The following ADGRL3 variants were observed in gnomAD, a reference collection of about 807,000 sequenced individuals.
The protein encoded by ADGRL3 is adhesion G protein-coupled receptor L3, also known as calcium-independent alpha-latrotoxin receptor 3.
Under a neutral mutation model 153.5 loss-of-function variants are expected in ADGRL3, and 62 were observed. The observed-to-expected ratio is 0.40, with a 90% CI of 0.33 to 0.50. The LOEUF is 0.50. Ranked by LOEUF, ADGRL3 falls within the 20% of genes least tolerant of loss-of-function variation. ADGRL3 has a pLI of 0.47. For synonymous variants in ADGRL3, 710 were observed against 672.5 expected (o/e 1.06, Z -0.86); for missense variants, 1,641 against 1,859.4 (o/e 0.88, Z 2.16).
chr4:61,870,142 C>T (rs2098435578), intron 9 of ADGRL3, among the ~76,000 whole-genome samples: 2 of 151,686 alleles, frequency 1.3e-5, no homozygotes, highest in South Asian at 2.1e-4. Flanking sequence ...TTTAGTAAAA[C>T]TTGAGTTGCT....
intron 9 of ADGRL3, among the ~76,000 whole-genome samples, chr4:61,861,362 T>C (rs1450408893): frequency 6.6e-6 from 1 of 152,168 alleles, no homozygotes; most frequent in Non-Finnish European, 1.5e-5. Flanking sequence ...TGTTTAGTGC[T>C]CATAAATGTT....
chr4:62,067,144 G>A (rs997059838), intron 25 of ADGRL3, among the ~76,000 whole-genome samples: 1 of 151,992 alleles, frequency 6.6e-6, no homozygotes, highest in African/African-American at 2.4e-5. Flanking sequence ...AAATGTTGTT[G>A]ATCTTTCTGC....
chr4:61,982,077 T>C (rs1162700079), intron 18 of ADGRL3, among the ~76,000 whole-genome samples: 3 of 152,202 alleles, frequency 2.0e-5, no homozygotes, highest in African/African-American at 7.2e-5. Context: ...AATTGTGTTA[T>C]TTTCCAAGAA....
Position 62,006,032 on chromosome 4 carries a change from A to ATTTT in ADGRL3, c.3395+7779_3395+7782dup, listed in dbSNP as rs1553908051. ...TATATATATATATATATATATATAT[A>ATTTT]TTTTTTTTTTTTTTTGAGAAAGGGT... On this transcript the variant is annotated intron_variant, in intron 21 of 26. Coordinates refer to ENST00000683033, the MANE Select transcript of ADGRL3 (RefSeq NM_001387552.1). Among the ~76,000 whole-genome samples the ATTTT allele has an allele frequency of 3.5e-3, 255 of 73,072 alleles. 8 individuals are homozygous for ATTTT. The highest frequency in any genetic ancestry group is 4.8e-3 in the South Asian group (9 of 1,862). 47.9% of individuals were successfully genotyped at this position (73,072 alleles called of 152,430 possible). A position where few individuals can be genotyped will look rare whatever the true frequency, so the allele number is the denominator to read the frequency against.
intron 15 of ADGRL3, among the ~76,000 whole-genome samples, chr4:61,946,239 CT>C (rs2098923284): frequency 6.6e-6 from 1 of 152,092 alleles, no homozygotes. Context: ...TGTGGTCGGT[CT>C]TTTCAATTTT....
intron 23 of ADGRL3, 147 bp downstream of exon 23, chr4:62,031,757 A>G (rs1371735353): frequency 1.1e-5 from 6 of 557,608 alleles, no homozygotes; most frequent in Non-Finnish European, 1.5e-5. Context: ...AGCAAAACAA[A>G]CACAAAATAC....
chr4:61,814,857 C>T (rs74466225), intron 9 of ADGRL3, among the ~76,000 whole-genome samples: 16,051 of 151,998 alleles, frequency 0.11, 915 homozygotes, highest in Middle Eastern at 0.15. Context: ...TTCCAAATGC[C>T]GCCTGTGCTT....
At chr4:61,648,263 G>T (rs2094114353) in intron 5 of ADGRL3, among the ~76,000 whole-genome samples, 1 of 150,480 alleles carries the variant, frequency 6.6e-6, no homozygotes, top group South Asian at 2.1e-4. Context: ...AAATAGAATG[G>T]AAATAAAATA....
chr4:61,964,329 TTAAC>T (rs1420291789), intron 17 of ADGRL3, among the ~76,000 whole-genome samples: 1 of 152,198 alleles, frequency 6.6e-6, no homozygotes, highest in Admixed American at 6.5e-5. Flanking sequence ...AATTCACTAT[TTAAC>T]TATTCTCAAA....
chr4:61,763,929 T>C (rs1036995904), intron 8 of ADGRL3, among the ~76,000 whole-genome samples: 17 of 152,220 alleles, frequency 1.1e-4, no homozygotes, highest in African/African-American at 4.1e-4. Context: ...TAAAAATGTA[T>C]GCTCATATTA....
At chr4:62,063,729 G>T in intron 25 of ADGRL3, 1 of 525,050 alleles carries the variant, frequency 1.9e-6, no homozygotes, top group African/African-American at 1.9e-5. Context: ...GCCTTTCTTT[G>T]TTTTGGAAGC....
intron 8 of ADGRL3, among the ~76,000 whole-genome samples, chr4:61,792,534 G>A (rs746291681): frequency 6.6e-5 from 10 of 150,622 alleles, no homozygotes; most frequent in Non-Finnish European, 1.3e-4. Context: ...TCTGTCACCA[G>A]GCTAGAGTGC....
chr4:61,405,886 A>G (rs1456866), intron 2 of ADGRL3, among the ~76,000 whole-genome samples: 4,643 of 152,052 alleles, frequency 0.031, 224 homozygotes, highest in East Asian at 0.21. Flanking sequence ...GGTTGTCACT[A>G]TACTGCTAAA....
intron 6 of ADGRL3, among the ~76,000 whole-genome samples, chr4:61,715,168 C>G (rs2096081941): frequency 6.6e-6 from 1 of 152,114 alleles, no homozygotes; most frequent in South Asian, 2.1e-4. Context: ...TTTTGAAACA[C>G]TTGGCCAATA....
intron 4 of ADGRL3, among the ~76,000 whole-genome samples, chr4:61,534,673 A>G (rs2098644235): frequency 6.6e-6 from 1 of 151,924 alleles, no homozygotes; most frequent in Non-Finnish European, 1.5e-5. Context: ...AAATGTATTC[A>G]TAGGTATTTT....
At chr4:61,962,055 A>G (rs752267758) in intron 17 of ADGRL3, among the ~76,000 whole-genome samples, 4 of 152,126 alleles carry the variant, frequency 2.6e-5, no homozygotes, top group Non-Finnish European at 5.9e-5. Context: ...CCTGGGCAAC[A>G]CAGTGAAACC....
chr4:61,935,512 T>C (rs561797188), intron 14 of ADGRL3, among the ~76,000 whole-genome samples: 3 of 152,258 alleles, frequency 2.0e-5, no homozygotes, highest in African/African-American at 4.8e-5. Flanking sequence ...TAGCTGACAG[T>C]TTTATTTCAG....
At chr4:61,539,980 ATCT>A (rs1341674561) in intron 4 of ADGRL3, among the ~76,000 whole-genome samples, 4 of 152,046 alleles carry the variant, frequency 2.6e-5, no homozygotes, top group Non-Finnish European at 5.9e-5. Flanking sequence ...TACCACTTTG[ATCT>A]TCTTCTTAAG....
intron 25 of ADGRL3, among the ~76,000 whole-genome samples, chr4:62,057,129 T>C (rs887727130): frequency 1.3e-4 from 20 of 152,178 alleles, no homozygotes; most frequent in Admixed American, 4.6e-4. Context: ...GTTGTTTGAA[T>C]TATGTTTCTG....
Sources: allele counts gnomAD v4.1 joint callset (sites outside exome capture counted in the v4.1 genomes callset), GRCh38; gene constraint gnomAD v4.1.1; transcripts MANE v1.5; gene names NCBI Gene and HGNC (gene_info 2026-07-23, HGNC 2026-07-21).